NALF1: variants seen among roughly 807,000 people sequenced by gnomAD.
NALF1 encodes NALCN channel auxiliary factor 1, also known as family with sequence similarity 155 member A.
In NALF1, 3 loss-of-function variants were observed where a neutral mutation model predicts 48.4. The observed-to-expected ratio is 0.06, with a 90% CI of 0.03 to 0.16. The LOEUF (loss-of-function observed/expected upper bound fraction) is 0.16, where lower values mean the gene tolerates loss of function less well. Ranked by LOEUF, NALF1 falls within the 10% of genes least tolerant of loss-of-function variation. The pLI is 1.00. For missense variants in NALF1, 526 were observed against 571.5 expected (o/e 0.92, Z 0.81); for synonymous variants, 262 against 245.7 (o/e 1.07, Z -0.62).
intron 1 of NALF1, among the ~76,000 whole-genome samples, chr13:107,335,394 TG>T (rs1309908264): frequency 2.0e-5 from 3 of 152,180 alleles, no homozygotes; most frequent in Admixed American, 6.5e-5. Flanking sequence ...ACGGATCAAG[TG>T]TTTTGAAGCT....
intron 1 of NALF1, among the ~76,000 whole-genome samples, chr13:107,460,892 G>A (rs750272379): frequency 6.6e-6 from 1 of 152,074 alleles, no homozygotes; most frequent in Non-Finnish European, 1.5e-5. Flanking sequence ...CTAATCAAGG[G>A]TATTAGAGGT....
chr13:107,605,285 G>C (rs897475190), intron 1 of NALF1, among the ~76,000 whole-genome samples: 2 of 152,120 alleles, frequency 1.3e-5, no homozygotes, highest in African/African-American at 2.4e-5. Flanking sequence ...CAGTGAAATA[G>C]TTGAAGCTAT....
At chr13:107,390,877 T>TTAATAA (rs71121527) in intron 1 of NALF1, among the ~76,000 whole-genome samples, 5,377 of 147,206 alleles carry the variant, frequency 0.037, 295 homozygotes, top group African/African-American at 0.12. Flanking sequence ...AGCCAGAAGG[T>TTAATAA]TAATAATAAT....
chr13:107,846,790 A>T (rs1880184827), intron 1 of NALF1, among the ~76,000 whole-genome samples: 1 of 152,144 alleles, frequency 6.6e-6, no homozygotes, highest in Admixed American at 6.6e-5. Flanking sequence ...CATTGCTGAA[A>T]CCTTTAATCT....
chr13:107,567,933 AGTT>A lies in NALF1; in HGVS notation c.915+297746_915+297748del, dbSNP rs374297923. On this transcript the variant is annotated intron_variant, in intron 1 of 2. Transcript: ENST00000375915. ...CTGTAATTTCCTTGATAGTGATCCA[AGTT>A]GTTATTTTTGTATACCAATGTTTTG... is the stretch of plus-strand genomic sequence containing the variant. 7.4e-3 allele frequency among the ~76,000 whole-genome samples: 1,120 copies of A among 152,196 alleles called. 15 individuals are homozygous for A. Among genetic ancestry groups the A allele is most frequent in the African/African-American group, 0.026 (1,074 of 41,522 alleles).
intron 1 of NALF1, among the ~76,000 whole-genome samples, chr13:107,368,924 A>T (rs1883200177): frequency 6.6e-6 from 1 of 151,972 alleles, no homozygotes; most frequent in Non-Finnish European, 1.5e-5. Flanking sequence ...AGTGCATCAT[A>T]CTCTACCTAT....
chr13:107,472,284 G>T (rs1365067125), intron 1 of NALF1, among the ~76,000 whole-genome samples: 12 of 152,140 alleles, frequency 7.9e-5, no homozygotes, highest in Non-Finnish European at 1.5e-5. Flanking sequence ...AGCTGAGATC[G>T]TGCCATTGCA....
intron 1 of NALF1, among the ~76,000 whole-genome samples, chr13:107,775,873 G>T (rs1289942360): frequency 6.6e-6 from 1 of 152,184 alleles, no homozygotes; most frequent in African/African-American, 2.4e-5. Context: ...ATACCTCTGA[G>T]GTTAGTTAGG....
At chr13:107,258,230 G>T (rs1880860154) in intron 1 of NALF1, among the ~76,000 whole-genome samples, 1 of 152,084 alleles carries the variant, frequency 6.6e-6, no homozygotes, top group Non-Finnish European at 1.5e-5. Flanking sequence ...GAAATTAGAT[G>T]ATATTTTAAT....
chr13:107,785,060 C>T (rs1439442389), intron 1 of NALF1, among the ~76,000 whole-genome samples: 2 of 150,922 alleles, frequency 1.3e-5, no homozygotes, highest in Non-Finnish European at 3.0e-5. Context: ...GTGTATGTGT[C>T]TGTGTATGTG....
chr13:107,650,619 T>C (rs911726390), intron 1 of NALF1, among the ~76,000 whole-genome samples: 16 of 151,924 alleles, frequency 1.1e-4, no homozygotes, highest in African/African-American at 3.1e-4. Flanking sequence ...ACTGCAAATA[T>C]GGTGTGGTGT....
intron 1 of NALF1, among the ~76,000 whole-genome samples, chr13:107,644,489 T>A (rs1185826527): frequency 6.6e-6 from 1 of 151,700 alleles, no homozygotes; most frequent in Non-Finnish European, 1.5e-5. Flanking sequence ...TGAACCCATA[T>A]CTAATTAACT....
At chr13:107,509,814 A>ATTG (rs1875821800) in intron 1 of NALF1, among the ~76,000 whole-genome samples, 1 of 151,946 alleles carries the variant, frequency 6.6e-6, no homozygotes, top group Non-Finnish European at 1.5e-5. Context: ...TATTATTATT[A>ATTG]TTATTTTTTG....
chr13:107,775,621 G>A (rs1452690180), intron 1 of NALF1, among the ~76,000 whole-genome samples: 1 of 151,216 alleles, frequency 6.6e-6, no homozygotes, highest in Non-Finnish European at 1.5e-5. Flanking sequence ...GATCCCTGAG[G>A]AATCGCCACA....
chr13:107,857,983 C>A (rs1880479232), intron 1 of NALF1, among the ~76,000 whole-genome samples: 1 of 152,142 alleles, frequency 6.6e-6, no homozygotes. Context: ...GAAATTATCG[C>A]CAATCTCCAA....
At chr13:107,525,185 A>T (rs1024896634) in intron 1 of NALF1, among the ~76,000 whole-genome samples, 1 of 152,110 alleles carries the variant, frequency 6.6e-6, no homozygotes, top group Non-Finnish European at 1.5e-5. Flanking sequence ...ATTTTAACAC[A>T]TGGAGATTTC....
At chr13:107,536,282 G>C (rs1233023495) in intron 1 of NALF1, among the ~76,000 whole-genome samples, 1 of 150,710 alleles carries the variant, frequency 6.6e-6, no homozygotes, top group East Asian at 1.9e-4. Context: ...CCATCAGAGT[G>C]AACAGGCAAC....
intron 2 of NALF1, among the ~76,000 whole-genome samples, chr13:107,188,787 G>T (rs1232445170): frequency 1.3e-5 from 2 of 152,112 alleles, no homozygotes; most frequent in African/African-American, 2.4e-5. Flanking sequence ...AATGAGGGAA[G>T]GAAGCAAGGA....
At chr13:107,181,417 G>A (rs12585353) in intron 2 of NALF1, among the ~76,000 whole-genome samples, 43,279 of 151,188 alleles carry the variant, frequency 0.29, 7,403 homozygotes, top group Middle Eastern at 0.41. Flanking sequence ...TCTTATGTAC[G>A]TATTTTGTAA....
Sources: allele counts gnomAD v4.1 joint callset (sites outside exome capture counted in the v4.1 genomes callset), GRCh38; gene constraint gnomAD v4.1.1; transcripts MANE v1.5; gene names NCBI Gene and HGNC (gene_info 2026-07-23, HGNC 2026-07-21).